RABGAP1: variants seen among roughly 807,000 people sequenced by gnomAD.
RABGAP1 encodes rab GTPase-activating protein 1.
In RABGAP1, 23 loss-of-function variants were observed where a neutral mutation model predicts 137.6. The observed-to-expected ratio is 0.17, with a 90% CI of 0.12 to 0.24. RABGAP1 has a LOEUF of 0.24. Among genes scored for constraint, RABGAP1 ranks in the 10% least tolerant of loss-of-function variants. The pLI, the probability that RABGAP1 is intolerant of heterozygous loss-of-function variation, is 1.00. For synonymous variants in RABGAP1, 451 were observed against 450.7 expected (o/e 1.00, Z -0.01); for missense variants, 906 against 1,275.8 (o/e 0.71, Z 4.42).
At chr9:123,073,802 AT>A in intron 16 of RABGAP1, 125 bp downstream of exon 16, 1 of 1,280,634 alleles carries the variant, frequency 7.8e-7, no homozygotes, top group Non-Finnish European at 1.1e-6. Flanking sequence ...GATGGGTTTC[AT>A]TTTTATCCTT....
chr9:123,027,383 G>C (rs937109549), intron 13 of RABGAP1, among the ~76,000 whole-genome samples: 19 of 152,002 alleles, frequency 1.2e-4, no homozygotes, highest in African/African-American at 4.6e-4. Flanking sequence ...CAAAGTGCTG[G>C]GATTACAGGC....
intron 24 of RABGAP1, among the ~76,000 whole-genome samples, chr9:123,100,594 G>A (rs141231351): frequency 6.6e-5 from 10 of 152,082 alleles, no homozygotes; most frequent in African/African-American, 1.9e-4. Flanking sequence ...CTAATTTTTC[G>A]ATTTTTAGTA....
At chr9:123,011,810 C>T (rs1052338941) in intron 11 of RABGAP1, among the ~76,000 whole-genome samples, 2 of 151,796 alleles carry the variant, frequency 1.3e-5, no homozygotes, top group Non-Finnish European at 2.9e-5. Context: ...AAAAAATTAG[C>T]TGGGTGTGAT....
intron 14 of RABGAP1, among the ~76,000 whole-genome samples, chr9:123,069,824 C>T (rs1004304822): frequency 6.6e-6 from 1 of 152,026 alleles, no homozygotes; most frequent in Non-Finnish European, 1.5e-5. Flanking sequence ...GTTGACGCTG[C>T]AGTGAGCCAT....
chr9:123,064,338 G>A (rs1167088023), intron 13 of RABGAP1, among the ~76,000 whole-genome samples: 1 of 152,184 alleles, frequency 6.6e-6, no homozygotes, highest in East Asian at 1.9e-4. Flanking sequence ...CATCCTTGAA[G>A]GTATAAATAG....
Position 123,014,776 on chromosome 9 carries a change from A to G in RABGAP1, c.1550-767A>G, listed in dbSNP as rs141845003. ...AAGAAAAGAGGCTTAATTAATTCAC[A>G]GTTCTGCAGGGCTGGGGAGACCTCA... On this transcript the variant is annotated intron_variant, in intron 11 of 25. Transcript: ENST00000373647. Among the ~76,000 whole-genome samples the G allele has an allele frequency of 1.1e-4, 17 of 151,118 alleles. No individual in the cohort carries two copies. In the East Asian group the frequency reaches 1.6e-3, roughly 14 times the overall value.
At chr9:122,961,938 C>T (rs1230334894) in intron 2 of RABGAP1, among the ~76,000 whole-genome samples, 1 of 151,866 alleles carries the variant, frequency 6.6e-6, no homozygotes, top group Non-Finnish European at 1.5e-5. Flanking sequence ...ATGAAGAAAA[C>T]CAGAAACGAT....
intron 17 of RABGAP1, 47 bp downstream of exon 17, chr9:123,074,475 T>C (rs749543806): frequency 5.2e-6 from 8 of 1,534,606 alleles, no homozygotes; most frequent in Non-Finnish European, 6.2e-6. Context: ...TGCAGTGTAC[T>C]TGAGGAGAAC....
chr9:122,966,935 A>G (rs1835189470), intron 2 of RABGAP1, among the ~76,000 whole-genome samples: 1 of 152,204 alleles, frequency 6.6e-6, no homozygotes, highest in South Asian at 2.1e-4. Flanking sequence ...GAGACTCACT[A>G]TCATGAGAAC....
chr9:123,022,282 A>G (rs1011396478), intron 13 of RABGAP1, among the ~76,000 whole-genome samples: 2 of 152,238 alleles, frequency 1.3e-5, no homozygotes, highest in Non-Finnish European at 2.9e-5. Flanking sequence ...ACGTCTGTTG[A>G]TAGAAAAGGA....
intron 16 of RABGAP1, 146 bp downstream of exon 16, chr9:123,073,823 G>A (rs2034431748): frequency 1.8e-6 from 2 of 1,127,136 alleles, no homozygotes; most frequent in African/African-American, 3.2e-5. Flanking sequence ...TTATCACTAT[G>A]TGATTATGAT....
intron 13 of RABGAP1, among the ~76,000 whole-genome samples, chr9:123,043,692 A>C (rs1291981912): frequency 1.3e-5 from 2 of 152,040 alleles, no homozygotes; most frequent in Non-Finnish European, 2.9e-5. Flanking sequence ...TCCATAGTGT[A>C]AACTCTGAAA....
intron 13 of RABGAP1, among the ~76,000 whole-genome samples, chr9:123,049,318 GTGTT>G (rs1268506179): frequency 1.3e-5 from 2 of 151,538 alleles, no homozygotes; most frequent in African/African-American, 2.4e-5. Flanking sequence ...GTTGTTTTGT[GTGTT>G]TGGAGTAAGT....
rs977553894 is a variant in RABGAP1 at position 123,103,610 on chromosome 9, T to C, written c.*397T>C. 5.5e-5 allele frequency: 5 copies of C among 91,512 alleles called. No individual in the cohort carries two copies. Among genetic ancestry groups the C allele is most frequent in the Non-Finnish European group, 9.3e-5 (4 of 42,914 alleles). The allele number at this position is 91,512 out of a possible 1,614,324, so 5.7% of individuals were successfully genotyped here. A position where few individuals can be genotyped will look rare whatever the true frequency, so the allele number is the denominator to read the frequency against. The stretch of plus-strand genomic sequence containing the variant: ...ATACATATATATATATATATATATA[T>C]ATATATATATATATATATATATATA... On this transcript the variant is annotated 3_prime_UTR_variant, in exon 26 of 26. Transcript: ENST00000373647.
chr9:123,082,724 C>T lies in RABGAP1; in HGVS notation c.2424+5962C>T, dbSNP rs930781803. 8.8e-3 allele frequency among the ~76,000 whole-genome samples: 59 copies of T among 6,720 alleles called. No individual in the cohort carries two copies. In the Non-Finnish European group the frequency reaches 0.28, roughly 32 times the overall value. 4.4% of individuals were successfully genotyped at this position (6,720 alleles called of 152,430 possible). A position where few individuals can be genotyped will look rare whatever the true frequency, so the allele number is the denominator to read the frequency against. On this transcript the variant is annotated intron_variant, in intron 19 of 25. Coordinates refer to ENST00000373647, the MANE Select transcript of RABGAP1 (RefSeq NM_012197.4). ...TTAGAACGTGTCATTTTAAACACAACGTGATGTGCCAGACTTCAAACTACT... is the reference window on the plus strand; with the variant it reads ...TTAGAACGTGTCATTTTAAACACAATGTGATGTGCCAGACTTCAAACTACT...
chr9:122,954,818 A>G (rs1484395005), intron 1 of RABGAP1, among the ~76,000 whole-genome samples: 1 of 152,224 alleles, frequency 6.6e-6, no homozygotes, highest in Non-Finnish European at 1.5e-5. Context: ...GAGTCAGATA[A>G]CTGGGTTTAA....
intron 1 of RABGAP1, among the ~76,000 whole-genome samples, chr9:122,945,708 A>G (rs544759074): frequency 6.0e-4 from 91 of 152,318 alleles, no homozygotes; most frequent in African/African-American, 2.1e-3. Context: ...TGGGTTCTGT[A>G]AGTCTTTGTG....
chr9:122,993,260 AT>A (rs1564386377), intron 6 of RABGAP1, among the ~76,000 whole-genome samples: 5 of 152,150 alleles, frequency 3.3e-5, no homozygotes, highest in African/African-American at 1.2e-4. Flanking sequence ...AAAAAGTATA[AT>A]TTTTAAATTA....
At chr9:123,037,953 C>G in intron 13 of RABGAP1, among the ~76,000 whole-genome samples, 1 of 152,100 alleles carries the variant, frequency 6.6e-6, no homozygotes, top group Middle Eastern at 3.2e-3. Context: ...CGGGATAGCT[C>G]ATTTAACTTT....
Sources: gnomAD v4.1 joint callset for allele counts (sites outside exome capture counted in the v4.1 genomes callset) on GRCh38, gnomAD v4.1.1 for gene constraint, MANE v1.5 for transcripts, NCBI Gene and HGNC (gene_info 2026-07-23, HGNC 2026-07-21) for gene names.